Variants in TJP1 observed in about 807,000 individuals in gnomAD.
The protein encoded by TJP1 is tight junction protein 1, also known as tight junction protein ZO-1.
In TJP1, 43 loss-of-function variants were observed where a neutral mutation model predicts 194.2. That is an observed-to-expected ratio of 0.22 (90% CI 0.17 to 0.29). The LOEUF is 0.29. Ranked by LOEUF, TJP1 falls within the 10% of genes least tolerant of loss-of-function variation. The pLI is 1.00. For synonymous variants in TJP1, 801 were observed against 779.0 expected (o/e 1.03, Z -0.47); for missense variants, 1,971 against 2,185.7 (o/e 0.90, Z 1.96).
At chr15:29,869,762 G>A (rs193056794) in intron 2 of TJP1, among the ~76,000 whole-genome samples, 2 of 145,998 alleles carry the variant, frequency 1.4e-5, no homozygotes, top group East Asian at 4.1e-4. Context: ...AAGGCAGAAC[G>A]ATATCCTTTC....
chr15:29,965,275 T>A (rs755671825), intron 1 of TJP1, among the ~76,000 whole-genome samples: 1 of 152,076 alleles, frequency 6.6e-6, no homozygotes, highest in East Asian at 1.9e-4. Context: ...AATGGTACAA[T>A]CTCGGCTCAC....
chr15:29,749,191 T>C (rs1355764195), intron 8 of TJP1, among the ~76,000 whole-genome samples: 1 of 151,244 alleles, frequency 6.6e-6, no homozygotes, highest in African/African-American at 2.4e-5. Flanking sequence ...AATCTAAAGG[T>C]AATGACCTTG....
At chr15:29,868,572 A>C (rs2052386359) in intron 2 of TJP1, among the ~76,000 whole-genome samples, 1 of 152,232 alleles carries the variant, frequency 6.6e-6, no homozygotes. Flanking sequence ...AATGTCAAAT[A>C]AATATTTATG....
chr15:29,722,263 T>TA (rs1406278223), intron 18 of TJP1, among the ~76,000 whole-genome samples: 1 of 152,080 alleles, frequency 6.6e-6, no homozygotes, highest in African/African-American at 2.4e-5. Flanking sequence ...CCTGGAGGCC[T>TA]AGGAGGGAAA....
chr15:29,841,687 A>G (rs2051230442), intron 2 of TJP1, among the ~76,000 whole-genome samples: 1 of 151,744 alleles, frequency 6.6e-6, no homozygotes, highest in African/African-American at 2.4e-5. Context: ...TCAAAATTGG[A>G]GCCCCTGTTT....
Position 29,822,102 on chromosome 15 carries a change from G to T in TJP1, c.-74C>A, listed in dbSNP as rs948426499. 3.2e-6 allele frequency: 4 copies of T among 1,232,284 alleles called. No homozygotes were observed. Among genetic ancestry groups the T allele is most frequent in the Non-Finnish European group, 4.1e-6 (4 of 985,862 alleles). 76.3% of individuals were successfully genotyped at this position (1,232,284 alleles called of 1,614,324 possible). A position where few individuals can be genotyped will look rare whatever the true frequency, so the allele number is the denominator to read the frequency against. ...CGGCGCTGGCCCGCCCGCTCCTCAC[G>T]CCACAGCCCAAATAAACATCTCCCG... is the stretch of plus-strand genomic sequence containing the variant. On this transcript the variant is annotated 5_prime_UTR_variant, in exon 1 of 28. Transcript: ENST00000614355.
chr15:29,907,728 C>T (rs1397792607), intron 2 of TJP1, among the ~76,000 whole-genome samples: 1 of 152,012 alleles, frequency 6.6e-6, no homozygotes, highest in Non-Finnish European at 1.5e-5. Context: ...TTTTAACTTA[C>T]CCATCACATT....
intron 2 of TJP1, among the ~76,000 whole-genome samples, chr15:29,776,670 T>TA (rs2047033053): frequency 6.6e-6 from 1 of 152,134 alleles, no homozygotes; most frequent in South Asian, 2.1e-4. Context: ...TAGCATGCCT[T>TA]AGTCTTTCGG....
chr15:29,705,846 A>G (rs1007747032), intron 25 of TJP1, 101 bp from the exon 26 acceptor site: 1 of 986,632 alleles, frequency 1.0e-6, no homozygotes, highest in Non-Finnish European at 1.5e-6. Context: ...ATTTCTCCAT[A>G]TAATCAAGAA....
At chr15:29,916,101 C>T (rs931074342) in intron 2 of TJP1, among the ~76,000 whole-genome samples, 3 of 151,802 alleles carry the variant, frequency 2.0e-5, no homozygotes, top group Non-Finnish European at 2.9e-5. Context: ...AAAAATTAGC[C>T]GGGCGTGGTG....
At chr15:29,765,142 T>C (rs1249358535) in intron 5 of TJP1, among the ~76,000 whole-genome samples, 2 of 152,072 alleles carry the variant, frequency 1.3e-5, no homozygotes, top group Non-Finnish European at 2.9e-5. Flanking sequence ...GAAATGATAC[T>C]GAAAAGGCAA....
At chr15:29,860,419 C>G (rs116453172) in intron 2 of TJP1, among the ~76,000 whole-genome samples, 1 of 152,114 alleles carries the variant, frequency 6.6e-6, no homozygotes, top group African/African-American at 2.4e-5. Context: ...CGCCCTTGCC[C>G]TAGGATCACC....
At chr15:29,830,769 CCGT>C (rs939886399) in intron 2 of TJP1, among the ~76,000 whole-genome samples, 2 of 151,970 alleles carry the variant, frequency 1.3e-5, no homozygotes, top group African/African-American at 4.8e-5. Flanking sequence ...CTCCTAATGT[CCGT>C]ATTGTAATCT....
chr15:29,780,991 A>G (rs926076021), intron 2 of TJP1, among the ~76,000 whole-genome samples: 1 of 152,166 alleles, frequency 6.6e-6, no homozygotes, highest in East Asian at 1.9e-4. Context: ...AAAATAACAA[A>G]AAGAGCTGAA....
chr15:29,966,222 C>T (rs996357513), intron 1 of TJP1, among the ~76,000 whole-genome samples: 10 of 152,174 alleles, frequency 6.6e-5, no homozygotes, highest in African/African-American at 2.4e-4. Flanking sequence ...TTTAAACTGG[C>T]CCGCGCGCAG....
At chr15:29,935,419 G>C (rs1426555696) in intron 2 of TJP1, among the ~76,000 whole-genome samples, 1 of 152,128 alleles carries the variant, frequency 6.6e-6, no homozygotes, top group Non-Finnish European at 1.5e-5. Flanking sequence ...CCTCCCTTGA[G>C]GTGCTGGTAG....
chr15:29,792,209 T>A (rs1037953361), intron 2 of TJP1, among the ~76,000 whole-genome samples: 6 of 152,330 alleles, frequency 3.9e-5, no homozygotes, highest in African/African-American at 1.4e-4. Context: ...TGACCTTTAG[T>A]GTTTCCCAAT....
At chr15:29,864,627 G>A (rs1185626127) in intron 2 of TJP1, among the ~76,000 whole-genome samples, 1 of 152,136 alleles carries the variant, frequency 6.6e-6, no homozygotes, top group African/African-American at 2.4e-5. Context: ...GAGGAAAAAG[G>A]GCAGTAGAGG....
Position 29,953,140 on chromosome 15 carries a change from A to ATTTTTTTTTTT in TJP1, c.306+3081_306+3091dup, listed in dbSNP as rs71416442. ...TTCCTTCTTTCATAAAAGAAGACAG[A>ATTTTTTTTTTT]TTTTTTTTTTTTTTTTTTTGCAACG... On this transcript the variant is annotated intron_variant, in intron 2 of 28. Coordinates refer to the TJP1 transcript ENST00000356107. Among the ~76,000 whole-genome samples, 86 of 110,986 alleles carry ATTTTTTTTTTT rather than the reference A, an allele frequency of 7.7e-4. 12 individuals are homozygous for ATTTTTTTTTTT. Among genetic ancestry groups the ATTTTTTTTTTT allele is most frequent in the South Asian group, 9.4e-4 (3 of 3,182 alleles). The allele number at this position is 110,986 out of a possible 152,430, so 72.8% of individuals were successfully genotyped here.
Sources: gnomAD v4.1 joint callset for allele counts (sites outside exome capture counted in the v4.1 genomes callset) on GRCh38, gnomAD v4.1.1 for gene constraint, MANE v1.5 for transcripts, NCBI Gene and HGNC (gene_info 2026-07-23, HGNC 2026-07-21) for gene names.